Variants in PLCL1 observed in about 807,000 individuals in gnomAD.
PLCL1 encodes inactive phospholipase C-like protein 1.
PLCL1 carries 41 observed loss-of-function variants against 84.4 expected under a neutral mutation model. The ratio of observed to expected loss-of-function variants is 0.49; its 90% CI spans 0.38 to 0.63. The LOEUF is 0.63. PLCL1 is among the 30% of genes least tolerant of loss of function. PLCL1 has a pLI of 0.00. For missense variants in PLCL1, 1,206 were observed against 1,367.8 expected (o/e 0.88, Z 1.87); for synonymous variants, 490 against 488.3 (o/e 1.00, Z -0.05).
intron 3 of PLCL1, among the ~76,000 whole-genome samples, chr2:198,096,650 A>G (rs1229531370): frequency 2.0e-5 from 3 of 152,204 alleles, no homozygotes; most frequent in African/African-American, 4.8e-5. Flanking sequence ...AAACTTTACT[A>G]TGGTAAGAAC....
intron 1 of PLCL1, among the ~76,000 whole-genome samples, chr2:197,983,279 G>A (rs1690156377): frequency 8.3e-6 from 1 of 120,016 alleles, no homozygotes; most frequent in Non-Finnish European, 1.6e-5. Context: ...TGCCAGGCTG[G>A]AGTGCAGTGG....
At chr2:197,875,215 G>A (rs1411764228) in intron 1 of PLCL1, among the ~76,000 whole-genome samples, 2 of 152,062 alleles carry the variant, frequency 1.3e-5, no homozygotes, top group Admixed American at 1.3e-4. Flanking sequence ...GAACCCAGGA[G>A]GTGGAAGTTG....
At chr2:197,913,029 C>G (rs1688521884) in intron 1 of PLCL1, among the ~76,000 whole-genome samples, 1 of 151,724 alleles carries the variant, frequency 6.6e-6, no homozygotes, top group Non-Finnish European at 1.5e-5. Flanking sequence ...TTGGAAAATG[C>G]CTTCTGACTC....
At chr2:197,970,978 G>C (rs1356542) in intron 1 of PLCL1, among the ~76,000 whole-genome samples, 1 of 152,080 alleles carries the variant, frequency 6.6e-6, no homozygotes, top group Non-Finnish European at 1.5e-5. Context: ...ATATCATATT[G>C]TGATGTTATG....
chr2:197,871,125 G>A (rs1461879179), intron 1 of PLCL1, among the ~76,000 whole-genome samples: 1 of 152,052 alleles, frequency 6.6e-6, no homozygotes, highest in Non-Finnish European at 1.5e-5. Context: ...AGGAATGAGA[G>A]GTACATTTAA....
In PLCL1 at chr2:197,955,066, C is replaced by A. The variant is rs188558447; in HGVS notation, c.241-128692C>A. ...TATGCTACATTTTAGGAACAGGTAT[C>A]ATTTCCATCAGTCTTTTCCTTCCCA... On this transcript the variant is annotated intron_variant, in intron 1 of 5. Transcript: ENST00000428675. Among the ~76,000 whole-genome samples the A allele has an allele frequency of 1.8e-3, 273 of 152,168 alleles. 1 individual carries two copies. The highest frequency in any genetic ancestry group is 3.5e-3 in the Non-Finnish European group (240 of 67,968).
chr2:198,027,576 G>T (rs1286653051), intron 1 of PLCL1, among the ~76,000 whole-genome samples: 12 of 152,038 alleles, frequency 7.9e-5, no homozygotes. Flanking sequence ...TTCACAATAT[G>T]TTTGTATTTT....
chr2:198,072,887 A>T (rs1483274261), intron 1 of PLCL1, among the ~76,000 whole-genome samples: 1 of 152,172 alleles, frequency 6.6e-6, no homozygotes. Flanking sequence ...TCATAAAAAG[A>T]TCTATAATTC....
intron 1 of PLCL1, among the ~76,000 whole-genome samples, chr2:197,926,269 A>G (rs1414571609): frequency 1.3e-5 from 2 of 152,216 alleles, no homozygotes; most frequent in Non-Finnish European, 2.9e-5. Flanking sequence ...CTCAGGAATA[A>G]GTAGTGACAC....
intron 1 of PLCL1, among the ~76,000 whole-genome samples, chr2:198,018,834 G>A (rs1381281548): frequency 2.6e-5 from 4 of 152,206 alleles, no homozygotes; most frequent in African/African-American, 7.2e-5. Context: ...CCTGCCTAAC[G>A]GCTCTAAAGA....
intron 1 of PLCL1, among the ~76,000 whole-genome samples, chr2:197,931,131 A>T (rs1484514991): frequency 6.6e-6 from 1 of 151,910 alleles, no homozygotes; most frequent in Non-Finnish European, 1.5e-5. Flanking sequence ...AATAAGAGCC[A>T]CCTTGATTGG....
intron 1 of PLCL1, among the ~76,000 whole-genome samples, chr2:197,883,288 TA>T (rs1193548412): frequency 6.6e-6 from 1 of 152,172 alleles, no homozygotes; most frequent in East Asian, 1.9e-4. Flanking sequence ...CCTGACCATA[TA>T]AAAAATAAGA....
chr2:197,839,279 C>A (rs1257533064), intron 1 of PLCL1, among the ~76,000 whole-genome samples: 1 of 152,178 alleles, frequency 6.6e-6, no homozygotes, highest in East Asian at 1.9e-4. Flanking sequence ...TTATGTCAAA[C>A]AAATGTATGC....
At chr2:197,992,005 T>G (rs930322170) in intron 1 of PLCL1, among the ~76,000 whole-genome samples, 1 of 152,198 alleles carries the variant, frequency 6.6e-6, no homozygotes, top group African/African-American at 2.4e-5. Context: ...AACTTCAGTT[T>G]CCTTTTGATG....
chr2:198,022,622 A>G (rs754428673), intron 1 of PLCL1, among the ~76,000 whole-genome samples: 1 of 152,198 alleles, frequency 6.6e-6, no homozygotes, highest in Admixed American at 6.5e-5. Flanking sequence ...ACAGAGGGAC[A>G]AATCATGAGC....
Position 197,805,150 on chromosome 2 carries a change from G to T in PLCL1, c.51G>T (p.Ala17=), listed in dbSNP as rs900178481. The change falls in exon 1 of 6, where the codon GCG becomes GCT. Residue 17 remains alanine (A), a synonymous_variant. Coordinates refer to ENST00000428675, the MANE Select transcript of PLCL1 (RefSeq NM_006226.4). The surrounding 1 kb of genome is among the most constrained non-coding windows in gnomAD (Gnocchi z 4.0). ...AGGATCCGGCGCCGCCCGACGCGGC[G>T]GGGGGCGAAGACGACCCCCGAGTGG... ...GREDPAPPDA[A]GGEDDPRVGP... The T allele has an allele frequency of 1.4e-5, 18 of 1,307,632 alleles. No homozygotes were observed. The African/African-American group carries it at 2.5e-4, about 18-fold the overall frequency. The allele number at this position is 1,307,632 out of a possible 1,614,324, so 81.0% of individuals were successfully genotyped here.
intron 1 of PLCL1, among the ~76,000 whole-genome samples, chr2:198,059,911 G>A (rs1404913568): frequency 1.3e-5 from 2 of 152,100 alleles, no homozygotes; most frequent in Admixed American, 6.6e-5. Flanking sequence ...TTGGAGACAG[G>A]CCATGTTTAA....
intron 1 of PLCL1, among the ~76,000 whole-genome samples, chr2:197,876,361 C>G (rs146297902): frequency 1.3e-5 from 2 of 152,248 alleles, no homozygotes; most frequent in African/African-American, 4.8e-5. Flanking sequence ...ATCCCGGAAT[C>G]TAATCTGAAA....
At chr2:197,880,182 T>G (rs1338362208) in intron 1 of PLCL1, among the ~76,000 whole-genome samples, 1 of 152,178 alleles carries the variant, frequency 6.6e-6, no homozygotes, top group Non-Finnish European at 1.5e-5. Context: ...AAATCACTTT[T>G]GGCAGTGCTT....
Sources: gnomAD v4.1 joint callset for allele counts (sites outside exome capture counted in the v4.1 genomes callset) on GRCh38, gnomAD v4.1.1 for gene constraint, Gnocchi (gnomAD v3.1) non-coding constraint, MANE v1.5 for transcripts, NCBI Gene and HGNC (gene_info 2026-07-23, HGNC 2026-07-21) for gene names.